Variants in SLC45A3 observed in about 807,000 individuals in gnomAD.
The protein encoded by SLC45A3 is prostate cancer associated protein 2.
Under a neutral mutation model 35.3 loss-of-function variants are expected in SLC45A3, and 17 were observed. That is an observed-to-expected ratio of 0.48 (90% confidence interval 0.33 to 0.72). The LOEUF (loss-of-function observed/expected upper bound fraction) is 0.72. SLC45A3 is among the 30% of genes least tolerant of loss of function. SLC45A3 has a pLI of 0.02. For synonymous variants in SLC45A3, 288 were observed against 334.3 expected (o/e 0.86, Z 1.51); for missense variants, 597 against 731.7 (o/e 0.82, Z 2.12).
intron 2 of SLC45A3, among the ~76,000 whole-genome samples, chr1:205,663,989 G>A: frequency 6.6e-6 from 1 of 152,126 alleles, no homozygotes; most frequent in South Asian, 2.1e-4. Flanking sequence ...GGCTTTTGTA[G>A]AATTTATCTG....
At chr1:205,671,560 C>T (rs1671213965) in intron 1 of SLC45A3, among the ~76,000 whole-genome samples, 1 of 152,152 alleles carries the variant, frequency 6.6e-6, no homozygotes, top group African/African-American at 2.4e-5. Context: ...TTTCCTCATC[C>T]ACAATGAACA....
chr1:205,672,213 C>G (rs1022111573), intron 1 of SLC45A3, among the ~76,000 whole-genome samples: 11 of 152,234 alleles, frequency 7.2e-5, no homozygotes, highest in Non-Finnish European at 1.5e-4. Context: ...TCCATTCCCC[C>G]CCCTCACCCA....
chr1:205,664,414 G>T lies in SLC45A3; in HGVS notation c.172+71C>A. ...CTCCCTCCAAGCAGCTCCCAGGGCA[G>T]AGGTACTCCTGTCCCACATGCCAGG... On this transcript the variant is annotated intron_variant, in intron 2 of 4. Coordinates refer to ENST00000367145, the MANE Select transcript of SLC45A3 (RefSeq NM_033102.3). This position sits in a 1 kb window ranked among gnomAD's most constrained non-coding sequence, Gnocchi z 5.3. 6.3e-7 allele frequency: 1 copy of T among 1,577,030 alleles called. No homozygotes were observed. The highest frequency in any genetic ancestry group is 8.7e-7 in the Non-Finnish European group (1 of 1,156,036).
At position 205,666,572 on chromosome 1, in the gene SLC45A3, T is replaced by A. The variant is rs1052234867; in HGVS notation, c.-230-1686A>T. 6.6e-6 allele frequency among the ~76,000 whole-genome samples: 1 copy of A among 152,144 alleles called. No homozygotes were observed. Among genetic ancestry groups the A allele is most frequent in the Non-Finnish European group, 1.5e-5 (1 of 68,024 alleles). On this transcript the variant is annotated intron_variant, in intron 1 of 4. Coordinates refer to ENST00000367145, the MANE Select transcript of SLC45A3 (RefSeq NM_033102.3). This position sits in a 1 kb window ranked among gnomAD's most constrained non-coding sequence, Gnocchi z 4.1. ...TCACTCCACCACCACCTTCAGGGGC[T>A]TTGCAGCTGGCAGATCATGAAGGAA... is the stretch of plus-strand genomic sequence containing the variant.
rs182258182 is a variant in SLC45A3, at chr1:205,669,758, G to A, written c.-230-4872C>T. On this transcript the variant is annotated intron_variant, in intron 1 of 4. Coordinates refer to ENST00000367145, the MANE Select transcript of SLC45A3 (RefSeq NM_033102.3). The surrounding 1 kb of genome is among the most constrained non-coding windows in gnomAD (Gnocchi z 4.1). The stretch of plus-strand genomic sequence containing the variant: ...CTCCTCTCCCCTTCACAGCCACCCC[G>A]CAGCCCTCCCCACAGAAGGGGAAAT... 3.9e-4 allele frequency among the ~76,000 whole-genome samples: 59 copies of A among 152,298 alleles called. No homozygotes were observed. In the East Asian group the frequency reaches 9.6e-3, roughly 25 times the overall value.
In SLC45A3 at chr1:205,659,084, A is replaced by G. The variant is rs777617283; in HGVS notation, c.*150T>C. 25 of 771,872 alleles carry G rather than the reference A, an allele frequency of 3.2e-5. No individual in the cohort carries two copies. The highest frequency in any genetic ancestry group is 4.7e-5 in the Non-Finnish European group (23 of 487,848). The allele number at this position is 771,872 out of a possible 1,614,324, so 47.8% of individuals were successfully genotyped here. ...CCAGCCCCCAGCTGTGCAGCTACGCACCTCAGCAGCACAGGGTGGCAGCAG... is the reference window on the plus strand; with the variant it reads ...CCAGCCCCCAGCTGTGCAGCTACGCGCCTCAGCAGCACAGGGTGGCAGCAG... On this transcript the variant is annotated 3_prime_UTR_variant, in exon 5 of 5. Transcript: ENST00000367145. The surrounding 1 kb of genome is among the most constrained non-coding windows in gnomAD (Gnocchi z 5.8).
rs1487378955 is a variant in SLC45A3 at position 205,666,849 on chromosome 1, C to T, written c.-230-1963G>A. On this transcript the variant is annotated intron_variant, in intron 1 of 4. Coordinates refer to ENST00000367145, the MANE Select transcript of SLC45A3 (RefSeq NM_033102.3). The surrounding 1 kb of genome is among the most constrained non-coding windows in gnomAD (Gnocchi z 4.1). ...CCAAGAAGGAAAGCAGGAGACAGCA[C>T]AGAGACCAAGAGGCAGTGCTATCCA... Among the ~76,000 whole-genome samples, 3 of 152,198 alleles carry T rather than the reference C, an allele frequency of 2.0e-5. No homozygotes were observed. Among genetic ancestry groups the T allele is most frequent in the African/African-American group, 7.2e-5 (3 of 41,468 alleles).
Position 205,680,478 on chromosome 1 carries a change from C to T in SLC45A3, c.-315G>A. 6.6e-6 allele frequency: 1 copy of T among 152,606 alleles called. No homozygotes were observed. Among genetic ancestry groups the T allele is most frequent in the Non-Finnish European group, 1.5e-5 (1 of 68,370 alleles). The allele number at this position is 152,606 out of a possible 1,614,324, so 9.5% of individuals were successfully genotyped here. ...CTTCCTTGCCCCCCACGCGCGCCAG[C>T]CGGCGGCTTTTAAATCTCCAGGTTA... On this transcript the variant is annotated 5_prime_UTR_variant, in exon 1 of 5. Transcript: ENST00000367145.
chr1:205,658,011 G>T lies in SLC45A3; in HGVS notation c.*1223C>A, dbSNP rs1178325552. On this transcript the variant is annotated 3_prime_UTR_variant, in exon 5 of 5. Coordinates refer to ENST00000367145, the MANE Select transcript of SLC45A3 (RefSeq NM_033102.3). Reference sequence around the variant, plus strand: ...GATAAGACCTCCCTTAGCTCAGGCAGGGGGTGCTCCTGAGTTTCTGTGTGA... The same window carrying T: ...GATAAGACCTCCCTTAGCTCAGGCATGGGGTGCTCCTGAGTTTCTGTGTGA... 4.4e-6 allele frequency: 1 copy of T among 226,998 alleles called. No individual in the cohort carries two copies. Among genetic ancestry groups the T allele is most frequent in the African/African-American group, 2.2e-5 (1 of 44,918 alleles). The allele number at this position is 226,998 out of a possible 1,614,324, so 14.1% of individuals were successfully genotyped here.
chr1:205,660,246 C>A (rs985257969), intron 4 of SLC45A3, among the ~76,000 whole-genome samples: 10 of 152,118 alleles, frequency 6.6e-5, no homozygotes, highest in Non-Finnish European at 1.5e-4. Flanking sequence ...CAGGGAGAAT[C>A]CAGTAGACCC....
intron 1 of SLC45A3, among the ~76,000 whole-genome samples, chr1:205,667,805 C>T (rs1489956753): frequency 2.0e-5 from 3 of 152,058 alleles, no homozygotes; most frequent in African/African-American, 7.2e-5. Flanking sequence ...CAGGAATTAG[C>T]AGGATCCTTC....
chr1:205,671,648 CAAG>C (rs1369463653), intron 1 of SLC45A3, among the ~76,000 whole-genome samples: 1 of 152,164 alleles, frequency 6.6e-6, no homozygotes, highest in Non-Finnish European at 1.5e-5. Flanking sequence ...TACCTGAGGT[CAAG>C]AAGTTTGACA....
At chr1:205,668,522 G>C (rs143323142) in intron 1 of SLC45A3, among the ~76,000 whole-genome samples, 1 of 152,192 alleles carries the variant, frequency 6.6e-6, no homozygotes, top group African/African-American at 2.4e-5. Flanking sequence ...CAAGTCTGCG[G>C]AACTCCCCTG....
chr1:205,664,309 T>C lies in SLC45A3; in HGVS notation c.172+176A>G, dbSNP rs1054604383. Among the ~76,000 whole-genome samples the C allele has an allele frequency of 1.3e-4, 20 of 152,098 alleles. No homozygotes were observed. The highest frequency in any genetic ancestry group is 2.6e-4 in the Non-Finnish European group (18 of 68,018). On this transcript the variant is annotated intron_variant, in intron 2 of 4. Coordinates refer to ENST00000367145, the MANE Select transcript of SLC45A3 (RefSeq NM_033102.3). This position sits in a 1 kb window ranked among gnomAD's most constrained non-coding sequence, Gnocchi z 5.3. Reference sequence around the variant, plus strand: ...AGAGGTGACTGGGGTATGTCCTTGGTATTCTCTTCTTTCTCTTGGTGTGCC... The same window carrying C: ...AGAGGTGACTGGGGTATGTCCTTGGCATTCTCTTCTTTCTCTTGGTGTGCC...
rs959399411 is a variant in SLC45A3 at position 205,669,858 on chromosome 1, G to A, written c.-230-4972C>T. Reference sequence around the variant, plus strand: ...TGGGGTCACCCTGGGCCAACCTCCCGGACACACACCCCACCAAGGCTGCCC... The same window carrying A: ...TGGGGTCACCCTGGGCCAACCTCCCAGACACACACCCCACCAAGGCTGCCC... On this transcript the variant is annotated intron_variant, in intron 1 of 4. Coordinates refer to ENST00000367145, the MANE Select transcript of SLC45A3 (RefSeq NM_033102.3). This position sits in a 1 kb window ranked among gnomAD's most constrained non-coding sequence, Gnocchi z 4.1. Among the ~76,000 whole-genome samples the A allele has an allele frequency of 2.0e-5, 3 of 152,276 alleles. No individual in the cohort carries two copies. The highest frequency in any genetic ancestry group is 1.9e-4 in the East Asian group (1 of 5,168).
chr1:205,660,747 G>T (rs909975140), intron 4 of SLC45A3, among the ~76,000 whole-genome samples: 1 of 151,988 alleles, frequency 6.6e-6, no homozygotes, highest in East Asian at 1.9e-4. Context: ...TCCCTGGCAC[G>T]ACAGCACATA....
At chr1:205,668,411 G>A (rs1671152872) in intron 1 of SLC45A3, among the ~76,000 whole-genome samples, 1 of 152,064 alleles carries the variant, frequency 6.6e-6, no homozygotes, top group African/African-American at 2.4e-5. Flanking sequence ...AAGTCTTTCA[G>A]TACCACTTTT....
chr1:205,663,149 T>C lies in SLC45A3; in HGVS notation c.642A>G (p.Thr214=), dbSNP rs1317533146. ...GCGCTGCCTCCTCAGCCACCAGCAG[T>C]GTGGCTGCTACGCAGGTGAGGAAGA... ...TLIFLTCVAA[T]LLVAEEAALG... Residue 214 remains threonine (T), a synonymous_variant, in exon 3 of 5, where the codon ACA becomes ACG. Transcript: ENST00000367145. 3 of 1,611,444 alleles carry C rather than the reference T, an allele frequency of 1.9e-6. No individual in the cohort carries two copies. The highest frequency in any genetic ancestry group is 1.3e-5 in the African/African-American group (1 of 74,778).
In SLC45A3 at chr1:205,663,173, G is replaced by A. The variant is rs753295310; in HGVS notation, c.618C>T (p.Ile206=). 1 of 1,613,118 alleles carries A rather than the reference G, an allele frequency of 6.2e-7. No individual in the cohort carries two copies. The highest frequency in any genetic ancestry group is 8.5e-7 in the Non-Finnish European group (1 of 1,179,862). Residue 206 remains isoleucine, a synonymous_variant, in exon 3 of 5, where the codon ATC becomes ATT. Coordinates refer to ENST00000367145, the MANE Select transcript of SLC45A3 (RefSeq NM_033102.3). The part of the protein sequence containing the change: ...EECLFGLLTL[I]FLTCVAATLL... ...GTGTGGCTGCTACGCAGGTGAGGAA[G>A]ATGAGGGTGAGCAGGCCAAAGAGGC...
Sources: allele counts gnomAD v4.1 joint callset (sites outside exome capture counted in the v4.1 genomes callset), GRCh38; gene constraint gnomAD v4.1.1; non-coding constraint Gnocchi (gnomAD v3.1); transcripts MANE v1.5; gene names NCBI Gene and HGNC (gene_info 2026-07-23, HGNC 2026-07-21).